The following AOPEP variants were observed in gnomAD, a reference collection of about 807,000 sequenced individuals.
AOPEP encodes aminopeptidase O.
A neutral mutation model predicts 98.1 loss-of-function variants in AOPEP; 77 were observed. That is an observed-to-expected ratio of 0.78 (90% CI 0.65 to 0.95). The LOEUF is 0.95. Among genes scored for constraint, AOPEP ranks in the 40% least tolerant of loss-of-function variants. AOPEP has a pLI of 0.00. For missense variants in AOPEP, 1,024 were observed against 1,024.7 expected, an observed-to-expected ratio of 1.00 and a Z score of 0.01; for synonymous variants, 346 against 365.3, an observed-to-expected ratio of 0.95 and a Z score of 0.60.
At chr9:94,952,703 A>G (rs2058188259) in intron 7 of AOPEP, among the ~76,000 whole-genome samples, 1 of 152,228 alleles carries the variant, frequency 6.6e-6, no homozygotes, top group South Asian at 2.1e-4. Flanking sequence ...TTCCATTCAT[A>G]GAGTGTCATT....
chr9:94,755,065 T>G (rs1836699443), intron 1 of AOPEP, among the ~76,000 whole-genome samples: 1 of 152,192 alleles, frequency 6.6e-6, no homozygotes, highest in Non-Finnish European at 1.5e-5. Context: ...TTAAAATACA[T>G]ACCACATAGC....
the AOPEP span, among the ~76,000 whole-genome samples, chr9:95,141,685 C>A: frequency 6.6e-6 from 1 of 152,112 alleles, no homozygotes; most frequent in East Asian, 1.9e-4. Context: ...AGTTAGGCTC[C>A]TTTTTTGGGG....
intron 13 of AOPEP, among the ~76,000 whole-genome samples, chr9:95,027,525 A>C (rs992018132): frequency 6.6e-6 from 1 of 152,152 alleles, no homozygotes; most frequent in Non-Finnish European, 1.5e-5. Flanking sequence ...TGTTACTCAA[A>C]CCAATGTTTG....
At chr9:94,917,812 C>A (rs1479630011) in intron 5 of AOPEP, among the ~76,000 whole-genome samples, 2 of 152,086 alleles carry the variant, frequency 1.3e-5, no homozygotes, top group Non-Finnish European at 2.9e-5. Context: ...TATCTGCTAC[C>A]CTCAGCCTGT....
At chr9:94,802,583 T>A (rs920444832) in intron 5 of AOPEP, among the ~76,000 whole-genome samples, 42 of 152,346 alleles carry the variant, frequency 2.8e-4, no homozygotes, top group African/African-American at 9.9e-4. Context: ...TAACTCTGTA[T>A]TTTTAGAGTG....
chr9:94,833,066 G>T (rs1174540967), intron 5 of AOPEP, among the ~76,000 whole-genome samples: 5 of 151,826 alleles, frequency 3.3e-5, no homozygotes, highest in African/African-American at 1.2e-4. Flanking sequence ...CTCCTGAGCA[G>T]CTGGGATTAT....
chr9:95,060,730 C>G lies in AOPEP; in HGVS notation c.2152C>G (p.Leu718Val), dbSNP rs764017866. ...PDQLVLLLEHLLEQKTLSPRT... is the reference protein window; with the variant it reads ...PDQLVLLLEHVLEQKTLSPRT... Reference sequence around the variant, plus strand: ...CCAGCTGGTCTTGCTTCTGGAGCATCTCTTGGAGCAGAAGACTCTGAGCCC... The same window carrying G: ...CCAGCTGGTCTTGCTTCTGGAGCATGTCTTGGAGCAGAAGACTCTGAGCCC... Residue 718 changes from leucine (L) to valine (V), a missense_variant, in exon 14 of 17, where the codon CTC (leucine) becomes GTC (valine). Transcript: ENST00000375315. 5.0e-6 allele frequency: 8 copies of G among 1,613,976 alleles called. No individual in the cohort carries two copies. The highest frequency in any genetic ancestry group is 6.8e-6 in the Non-Finnish European group (8 of 1,179,980).
chr9:95,037,439 T>A (rs2064928655), intron 13 of AOPEP, among the ~76,000 whole-genome samples: 2 of 151,978 alleles, frequency 1.3e-5, no homozygotes, highest in South Asian at 4.2e-4. Flanking sequence ...TTAAAGAGAG[T>A]GGGTAGAATT....
intron 9 of AOPEP, among the ~76,000 whole-genome samples, chr9:94,959,700 C>T (rs2138090918): frequency 6.6e-6 from 1 of 152,134 alleles, no homozygotes; most frequent in South Asian, 2.1e-4. Context: ...CCCAGAAATA[C>T]CTATAATTAA....
At chr9:94,781,264 A>T (rs1197271352) in intron 3 of AOPEP, among the ~76,000 whole-genome samples, 1 of 152,154 alleles carries the variant, frequency 6.6e-6, no homozygotes, top group Non-Finnish European at 1.5e-5. Context: ...AAATATAGCT[A>T]AACTATTGAG....
At chr9:95,077,585 A>T (rs890721267) in intron 14 of AOPEP, among the ~76,000 whole-genome samples, 10 of 152,202 alleles carry the variant, frequency 6.6e-5, no homozygotes, top group Non-Finnish European at 1.5e-4. Flanking sequence ...TCTAGACTGG[A>T]CAGCTGTCCT....
intron 1 of AOPEP, among the ~76,000 whole-genome samples, chr9:94,757,996 C>A (rs1344235825): frequency 6.6e-6 from 1 of 152,242 alleles, no homozygotes; most frequent in African/African-American, 2.4e-5. Flanking sequence ...GAAATACCAG[C>A]TTCTCCATAA....
intron 13 of AOPEP, among the ~76,000 whole-genome samples, chr9:95,042,186 C>T (rs577417932): frequency 2.6e-5 from 4 of 152,214 alleles, no homozygotes; most frequent in African/African-American, 7.2e-5. Context: ...GTGGCAGACA[C>T]CTGTAGTCCC....
chr9:94,953,079 C>T lies in AOPEP; in HGVS notation c.1662-2098C>T, dbSNP rs1446515203. ...CAAAAAAGACGCACGGCAACTCTGC[C>T]TGTCTTAGGGCTGGGCAACCTAGTT... On this transcript the variant is annotated intron_variant, in intron 7 of 16. Coordinates refer to ENST00000375315, the MANE Select transcript of AOPEP (RefSeq NM_001193329.3). 1.3e-5 allele frequency among the ~76,000 whole-genome samples: 2 copies of T among 152,210 alleles called. 1 individual carries two copies. Among genetic ancestry groups the T allele is most frequent in the Non-Finnish European group, 2.9e-5 (2 of 68,034 alleles).
downstream of AOPEP, chr9:95,087,258 G>C (rs1466080154): frequency 6.6e-6 from 1 of 151,926 alleles, no homozygotes; most frequent in Non-Finnish European, 1.5e-5. Flanking sequence ...GCCGAGGTGG[G>C]TGGATCACGA....
At chr9:94,937,999 G>T (rs1475563815) in intron 7 of AOPEP, among the ~76,000 whole-genome samples, 1 of 151,910 alleles carries the variant, frequency 6.6e-6, no homozygotes, top group Non-Finnish European at 1.5e-5. Context: ...TCAGCCTCCC[G>T]AGTAGCTGGG....
the AOPEP span, among the ~76,000 whole-genome samples, chr9:95,119,285 G>T: frequency 1.4e-3 from 212 of 151,876 alleles, 1 homozygote; most frequent in African/African-American, 4.8e-3. Flanking sequence ...CTCGACACAA[G>T]TCCTCTGTTG....
Position 94,800,991 on chromosome 9 carries a change from G to C in AOPEP, c.1353G>C (p.Leu451=), listed in dbSNP as rs773215566. The C allele has an allele frequency of 6.2e-7, 1 of 1,614,020 alleles. No individual in the cohort carries two copies. Among genetic ancestry groups the C allele is most frequent in the African/African-American group, 1.3e-5 (1 of 74,920 alleles). Reference sequence around the variant, plus strand: ...TCGTCCCTGCCAACTTTCCAAGTCTGGGGATGGCCAGGTATGTTGTTCCAT... The same window carrying C: ...TCGTCCCTGCCAACTTTCCAAGTCTCGGGATGGCCAGGTATGTTGTTCCAT... ...VLIVPANFPS[L]GMASPHIMFL... The change falls in exon 5 of 17, where the codon CTG becomes CTC. Residue 451 remains leucine, a synonymous_variant. Transcript: ENST00000375315.
intron 3 of AOPEP, among the ~76,000 whole-genome samples, chr9:94,789,494 G>A (rs1054253175): frequency 3.3e-5 from 5 of 152,022 alleles, no homozygotes; most frequent in Admixed American, 6.5e-5. Flanking sequence ...AAAAGATTTA[G>A]TTCCTTACCC....
Sources: allele counts gnomAD v4.1 joint callset (sites outside exome capture counted in the v4.1 genomes callset), GRCh38; gene constraint gnomAD v4.1.1; transcripts MANE v1.5; gene names NCBI Gene and HGNC (gene_info 2026-07-23, HGNC 2026-07-21).